Variants in ERC2 observed in about 807,000 individuals in gnomAD.
ERC2 encodes the protein ELKS/RAB6-interacting/CAST family member 2, also known as ERC protein 2.
In ERC2, 42 loss-of-function variants were observed where a neutral mutation model predicts 114.8. The ratio of observed to expected loss-of-function variants is 0.37; its 90% CI spans 0.29 to 0.47. The LOEUF is 0.47. Among genes scored for constraint, ERC2 ranks in the 20% least tolerant of loss-of-function variants. The pLI is 0.99. For missense variants in ERC2, 939 were observed against 1,150.7 expected, an observed-to-expected ratio of 0.82 and a Z score of 2.66; for synonymous variants, 454 against 425.5, an observed-to-expected ratio of 1.07 and a Z score of -0.82.
chr3:56,017,164 G>A (rs932694956), intron 8 of ERC2, among the ~76,000 whole-genome samples: 6 of 152,072 alleles, frequency 3.9e-5, no homozygotes, highest in African/African-American at 4.8e-5. Flanking sequence ...CAAACAAGCC[G>A]TCCCTCCTGA....
At chr3:56,314,960 A>C (rs1220966661) in intron 2 of ERC2, among the ~76,000 whole-genome samples, 1 of 152,208 alleles carries the variant, frequency 6.6e-6, no homozygotes, top group Non-Finnish European at 1.5e-5. Context: ...TTACCACATA[A>C]TTAGTTTCAG....
intron 14 of ERC2, among the ~76,000 whole-genome samples, chr3:55,820,157 C>T (rs1490466100): frequency 6.6e-6 from 1 of 152,022 alleles, no homozygotes; most frequent in Non-Finnish European, 1.5e-5. Context: ...AGAAGTGGAG[C>T]CCCACATGGA....
intron 1 of ERC2, among the ~76,000 whole-genome samples, chr3:56,460,515 T>C (rs995773976): frequency 4.6e-5 from 7 of 152,332 alleles, no homozygotes; most frequent in South Asian, 2.1e-4. Flanking sequence ...TAAAATGGGA[T>C]AATACATTTA....
intron 17 of ERC2, among the ~76,000 whole-genome samples, chr3:55,516,205 A>C (rs1178203565): frequency 6.6e-6 from 1 of 151,580 alleles, no homozygotes; most frequent in Non-Finnish European, 1.5e-5. Flanking sequence ...CCATGAAGCC[A>C]CTCTGCTCAC....
chr3:55,679,587 G>A (rs554820356), intron 17 of ERC2, among the ~76,000 whole-genome samples: 7 of 152,292 alleles, frequency 4.6e-5, no homozygotes, highest in African/African-American at 7.2e-5. Flanking sequence ...GAACTTAACC[G>A]TTTGGTGAAA....
chr3:55,670,302 A>C (rs1195926741), intron 17 of ERC2, among the ~76,000 whole-genome samples: 1 of 152,224 alleles, frequency 6.6e-6, no homozygotes, highest in African/African-American at 2.4e-5. Flanking sequence ...AAGGAGGAAG[A>C]GGTGGTGAAA....
At chr3:55,863,312 G>A (rs758908645) in intron 14 of ERC2, among the ~76,000 whole-genome samples, 3 of 151,944 alleles carry the variant, frequency 2.0e-5, no homozygotes, top group African/African-American at 4.8e-5. Context: ...CTGCTTGCTC[G>A]ACGCCAGGGC....
At chr3:56,075,362 C>T (rs540661001) in intron 7 of ERC2, among the ~76,000 whole-genome samples, 1 of 152,114 alleles carries the variant, frequency 6.6e-6, no homozygotes, top group African/African-American at 2.4e-5. Context: ...AGACAGCTGA[C>T]CAGACACTCC....
At chr3:55,731,592 C>T (rs1275057553) in intron 15 of ERC2, among the ~76,000 whole-genome samples, 1 of 152,166 alleles carries the variant, frequency 6.6e-6, no homozygotes, top group African/African-American at 2.4e-5. Context: ...CAGGATTCAC[C>T]TTAAACAGCT....
chr3:55,791,527 A>G (rs887652553), intron 14 of ERC2, among the ~76,000 whole-genome samples: 45 of 152,204 alleles, frequency 3.0e-4, no homozygotes, highest in African/African-American at 9.6e-4. Flanking sequence ...AAACACATGT[A>G]TGCTGAGAAA....
intron 3 of ERC2, among the ~76,000 whole-genome samples, chr3:56,230,571 T>G (rs2050554829): frequency 2.0e-5 from 3 of 152,204 alleles, no homozygotes; most frequent in African/African-American, 7.2e-5. Context: ...AAAGTGGTTT[T>G]AAAAGCATTC....
At chr3:55,832,910 TA>T (rs1357323357) in intron 14 of ERC2, among the ~76,000 whole-genome samples, 1 of 151,960 alleles carries the variant, frequency 6.6e-6, no homozygotes, top group African/African-American at 2.4e-5. Context: ...GAGAAGTGCT[TA>T]AAGGAGCTGA....
At chr3:55,679,739 C>T (rs1201989290) in intron 17 of ERC2, among the ~76,000 whole-genome samples, 1 of 152,236 alleles carries the variant, frequency 6.6e-6, no homozygotes, top group Non-Finnish European at 1.5e-5. Flanking sequence ...TACCCCTGTA[C>T]AGGCGGTGTG....
intron 2 of ERC2, among the ~76,000 whole-genome samples, chr3:56,365,643 A>T (rs920362149): frequency 1.3e-5 from 2 of 152,258 alleles, no homozygotes; most frequent in Non-Finnish European, 2.9e-5. Flanking sequence ...AAATGCTTGG[A>T]AAAAACACAA....
chr3:56,079,573 G>T (rs569494917), intron 7 of ERC2, among the ~76,000 whole-genome samples: 13 of 152,310 alleles, frequency 8.5e-5, no homozygotes, highest in Admixed American at 2.0e-4. Context: ...CTGTTACTCT[G>T]AGTGACAATG....
chr3:56,232,785 C>T (rs1451995929), intron 3 of ERC2, among the ~76,000 whole-genome samples: 1 of 152,178 alleles, frequency 6.6e-6, no homozygotes, highest in Non-Finnish European at 1.5e-5. Flanking sequence ...ACATCCAAGA[C>T]CTACTCCACC....
chr3:55,880,235 C>G (rs2063054801), intron 14 of ERC2, among the ~76,000 whole-genome samples: 1 of 152,138 alleles, frequency 6.6e-6, no homozygotes, highest in Admixed American at 6.5e-5. Context: ...ACGTGAGTCC[C>G]TAGTGATTAC....
At chr3:55,903,168 A>T (rs1416410895) in intron 13 of ERC2, among the ~76,000 whole-genome samples, 2 of 152,176 alleles carry the variant, frequency 1.3e-5, no homozygotes, top group Non-Finnish European at 2.9e-5. Context: ...ATAGACATCT[A>T]TGTTTTCCCC....
At chr3:56,460,388 C>T (rs62254284) in intron 1 of ERC2, among the ~76,000 whole-genome samples, 4,189 of 152,298 alleles carry the variant, frequency 0.028, 81 homozygotes, top group Non-Finnish European at 0.044. Context: ...TTTTTCTGTT[C>T]CTTCAGTCAT....
Sources: allele counts gnomAD v4.1 joint callset (sites outside exome capture counted in the v4.1 genomes callset), GRCh38; gene constraint gnomAD v4.1.1; transcripts MANE v1.5; gene names NCBI Gene and HGNC (gene_info 2026-07-23, HGNC 2026-07-21).